The following KMT5A variants were observed in gnomAD, a reference collection of about 807,000 sequenced individuals.
The protein encoded by KMT5A is N-lysine methyltransferase KMT5A.
Under a neutral mutation model 40.6 loss-of-function variants are expected in KMT5A, and 6 were observed. The observed-to-expected ratio is 0.15, with a 90% CI of 0.08 to 0.29. The LOEUF is 0.29. KMT5A is among the 10% of genes least tolerant of loss of function. The pLI, the probability that KMT5A is intolerant of heterozygous loss-of-function variation, is 1.00. For synonymous variants in KMT5A, 153 were observed against 178.8 expected, an observed-to-expected ratio of 0.86 and a Z score of 1.15; for missense variants, 308 against 459.1, an observed-to-expected ratio of 0.67 and a Z score of 3.01.
intron 5 of KMT5A, among the ~76,000 whole-genome samples, chr12:123,401,079 G>C (rs886708525): frequency 4.7e-5 from 7 of 149,742 alleles, no homozygotes; most frequent in Admixed American, 1.3e-4. Flanking sequence ...ACAGGCATGA[G>C]CCACTGTACC....
chr12:123,405,048 T>G lies in KMT5A; in HGVS notation c.822T>G (p.Tyr274Ter). The G allele has an allele frequency of 6.2e-7, 1 of 1,613,862 alleles. No individual in the cohort carries two copies. The highest frequency in any genetic ancestry group is 1.1e-5 in the South Asian group (1 of 91,050). ...QDPSTGCYMY[Y>*]FQYLSKTYCV... Reference sequence around the variant, plus strand: ...CTTCCACGGGCTGCTACATGTACTATTTTCAGTATCTGAGCAAAACCTACT... The same window carrying G: ...CTTCCACGGGCTGCTACATGTACTAGTTTCAGTATCTGAGCAAAACCTACT... The change falls in exon 7 of 8, where the codon TAT becomes TAG. Residue 274 changes from tyrosine (Y) to a stop codon, truncating the protein, a stop_gained. Coordinates refer to ENST00000402868, the MANE Select transcript of KMT5A (RefSeq NM_020382.7). LOFTEE classifies it high-confidence loss of function.
intron 5 of KMT5A, among the ~76,000 whole-genome samples, chr12:123,403,161 C>T (rs939204675): frequency 6.6e-6 from 1 of 152,276 alleles, no homozygotes; most frequent in African/African-American, 2.4e-5. Context: ...CCTCGGCCTC[C>T]CGAAGTGTTG....
intron 3 of KMT5A, 69 bp downstream of exon 3, chr12:123,390,855 G>T (rs1316806486): frequency 6.5e-7 from 1 of 1,532,052 alleles, no homozygotes; most frequent in Admixed American, 1.9e-5. Flanking sequence ...TCCTCTGCAA[G>T]AATGCACATA....
chr12:123,409,242 G>A lies in KMT5A; in HGVS notation c.*1539G>A, dbSNP rs1363961991. The A allele has an allele frequency of 6.6e-6, 1 of 152,606 alleles. No homozygotes were observed. The highest frequency in any genetic ancestry group is 6.6e-5 in the Admixed American group (1 of 15,258). The allele number at this position is 152,606 out of a possible 1,614,324, so 9.5% of individuals were successfully genotyped here. On this transcript the variant is annotated 3_prime_UTR_variant, in exon 8 of 8. Coordinates refer to ENST00000402868, the MANE Select transcript of KMT5A (RefSeq NM_020382.7). ...TGGGAGTGTAAATGTGAGACACAAT[G>A]TCTTGATTATACCTGTTTGTGGTTT...
chr12:123,384,257 C>T lies in KMT5A; in HGVS notation c.10+49C>T, dbSNP rs750725878. The T allele has an allele frequency of 3.1e-6, 5 of 1,607,434 alleles. No homozygotes were observed. The African/African-American group carries it at 6.7e-5, about 21-fold the overall frequency. On this transcript the variant is annotated intron_variant, in intron 1 of 7. Coordinates refer to ENST00000402868, the MANE Select transcript of KMT5A (RefSeq NM_020382.7). This position sits in a 1 kb window ranked among gnomAD's most constrained non-coding sequence, Gnocchi z 5.7. ...CGGAGCGGCTGGGTCGGGGGTCGTG[C>T]TGGAGGGGTTGCCGGGGTGGAGGCA...
At chr12:123,397,139 G>T (rs1302956271) in intron 5 of KMT5A, among the ~76,000 whole-genome samples, 4 of 152,270 alleles carry the variant, frequency 2.6e-5, no homozygotes, top group Non-Finnish European at 4.4e-5. Flanking sequence ...AGCAGCACCG[G>T]CTGGAAGGCC....
chr12:123,396,471 G>C, intron 5 of KMT5A, 39 bp downstream of exon 5: 1 of 1,596,426 alleles, frequency 6.3e-7, no homozygotes, highest in East Asian at 2.2e-5. Flanking sequence ...TGGAGGGGCA[G>C]GGTGGCCCAC....
intron 5 of KMT5A, among the ~76,000 whole-genome samples, chr12:123,402,780 A>G (rs893540294): frequency 6.6e-6 from 1 of 152,152 alleles, no homozygotes; most frequent in Non-Finnish European, 1.5e-5. Flanking sequence ...CCCTCTTCTC[A>G]TCCATCGTGG....
At chr12:123,405,949 A>C (rs1193859169) in intron 7 of KMT5A, among the ~76,000 whole-genome samples, 1 of 151,946 alleles carries the variant, frequency 6.6e-6, no homozygotes, top group Non-Finnish European at 1.5e-5. Context: ...CCTCCTGAGT[A>C]GCTGGGACTA....
intron 3 of KMT5A, among the ~76,000 whole-genome samples, chr12:123,394,288 G>A (rs1235210736): frequency 6.6e-6 from 1 of 151,786 alleles, no homozygotes; most frequent in South Asian, 2.1e-4. Context: ...ATTTTTAGTA[G>A]AGATGGGGTT....
chr12:123,400,102 G>A (rs1218062597), intron 5 of KMT5A, among the ~76,000 whole-genome samples: 1 of 151,974 alleles, frequency 6.6e-6, no homozygotes, highest in Non-Finnish European at 1.5e-5. Flanking sequence ...GATTACAGGC[G>A]TGAGCCACTG....
intron 6 of KMT5A, 56 bp downstream of exon 6, chr12:123,403,688 C>G: frequency 1.9e-6 from 3 of 1,606,612 alleles, no homozygotes; most frequent in Non-Finnish European, 2.6e-6. Flanking sequence ...GCTCACCTTC[C>G]CTGGTCCCGT....
chr12:123,405,113 T>A, intron 7 of KMT5A, 39 bp downstream of exon 7: 1 of 1,555,056 alleles, frequency 6.4e-7, no homozygotes, highest in Non-Finnish European at 8.7e-7. Flanking sequence ...TTCTGTCCTC[T>A]GGGCAGTGAG....
At chr12:123,395,883 G>T (rs1413322326) in intron 4 of KMT5A, among the ~76,000 whole-genome samples, 1 of 151,678 alleles carries the variant, frequency 6.6e-6, no homozygotes, top group Non-Finnish European at 1.5e-5. Context: ...TTGAGACAGG[G>T]TCTTATTCTG....
chr12:123,399,552 C>G (rs1877997072), intron 5 of KMT5A, among the ~76,000 whole-genome samples: 1 of 152,240 alleles, frequency 6.6e-6, no homozygotes, highest in Non-Finnish European at 1.5e-5. Flanking sequence ...TCAGCACTCT[C>G]TGCACACTTG....
intron 3 of KMT5A, among the ~76,000 whole-genome samples, chr12:123,392,479 G>A: frequency 6.6e-6 from 1 of 151,986 alleles, no homozygotes; most frequent in South Asian, 2.1e-4. Flanking sequence ...GCAACATAGT[G>A]AGGCCTCATC....
At chr12:123,389,601 G>A in intron 2 of KMT5A, 47 bp downstream of exon 2, 8 of 1,060,794 alleles carry the variant, frequency 7.5e-6, no homozygotes, top group Non-Finnish European at 8.0e-6. Context: ...CCGCCGGGCC[G>A]GGGCCGCGAG....
rs1593455368 is a variant in KMT5A at position 123,389,541 on chromosome 12, C to A, written c.119C>A (p.Pro40His). The stretch of plus-strand genomic sequence containing the variant: ...GTGGAGCGGAGGGGCCCGGGGAGGC[C>A]CCGCACCGACGGGGTAAGCAGGCAC... Reference protein sequence around the residue: ...EMVERRGPGRPRTDGENVFTG... With the variant: ...EMVERRGPGRHRTDGENVFTG... The change falls in exon 2 of 8, where the codon CCC becomes CAC. Residue 40 changes from proline to histidine, a missense_variant. Transcript: ENST00000402868. The A allele has an allele frequency of 1.8e-6, 2 of 1,097,176 alleles. No individual in the cohort carries two copies. Among genetic ancestry groups the A allele is most frequent in the South Asian group, 8.6e-5 (2 of 23,182 alleles). The allele number at this position is 1,097,176 out of a possible 1,614,324, so 68.0% of individuals were successfully genotyped here.
intron 5 of KMT5A, among the ~76,000 whole-genome samples, chr12:123,402,958 G>C (rs1290209266): frequency 6.6e-6 from 1 of 152,144 alleles, no homozygotes; most frequent in Non-Finnish European, 1.5e-5. Flanking sequence ...GCCCAGGCTG[G>C]AGTGCAGTAG....
Sources: gnomAD v4.1 joint callset for allele counts (sites outside exome capture counted in the v4.1 genomes callset) on GRCh38, gnomAD v4.1.1 for gene constraint, Gnocchi (gnomAD v3.1) non-coding constraint, MANE v1.5 for transcripts, NCBI Gene and HGNC (gene_info 2026-07-23, HGNC 2026-07-21) for gene names.